Variants in GRM8 observed in about 807,000 individuals in gnomAD.
GRM8 encodes the protein glutamate metabotropic receptor 8.
In GRM8, 47 loss-of-function variants were observed where a neutral mutation model predicts 87.2. The observed-to-expected ratio is 0.54, with a 90% CI of 0.43 to 0.69. The LOEUF (loss-of-function observed/expected upper bound fraction) is 0.69, where lower values mean the gene tolerates loss of function less well. Ranked by LOEUF, GRM8 falls within the 30% of genes least tolerant of loss-of-function variation. GRM8 has a pLI of 0.00. For missense variants in GRM8, 1,019 were observed against 1,139.2 expected, an observed-to-expected ratio of 0.89 and a Z score of 1.52; for synonymous variants, 396 against 404.5, an observed-to-expected ratio of 0.98 and a Z score of 0.25.
At chr7:126,566,727 T>A (rs999943993) in intron 8 of GRM8, among the ~76,000 whole-genome samples, 1 of 152,140 alleles carries the variant, frequency 6.6e-6, no homozygotes, top group African/African-American at 2.4e-5. Flanking sequence ...ATATTAGTAT[T>A]CCTATCTTCA....
intron 3 of GRM8, among the ~76,000 whole-genome samples, chr7:127,032,309 T>A (rs1817454868): frequency 6.6e-6 from 1 of 152,154 alleles, no homozygotes; most frequent in African/African-American, 2.4e-5. Flanking sequence ...TTCCTGTAAC[T>A]GTGCATTGCT....
rs5887332 is a variant in GRM8, at chr7:127,243,848, G to GTTTTT, written c.-311-338_-311-334dup. On this transcript the variant is annotated intron_variant, in intron 1 of 10. Transcript: ENST00000339582. ...GATGGCACCATTTCTTTTCAAATCTGTTTTTTTTTTTTGCAGCTATCTGAA... is the reference window on the plus strand; with the variant it reads ...GATGGCACCATTTCTTTTCAAATCTGTTTTTTTTTTTTTTTTTGCAGCTATCTGAA... Among the ~76,000 whole-genome samples, 595 of 141,004 alleles carry GTTTTT rather than the reference G, an allele frequency of 4.2e-3. 4 individuals are homozygous for GTTTTT. The highest frequency in any genetic ancestry group is 0.015 in the Middle Eastern group (4 of 272). The allele number at this position is 141,004 out of a possible 152,430, so 92.5% of individuals were successfully genotyped here.
chr7:127,133,566 C>T (rs1827799362), intron 2 of GRM8, among the ~76,000 whole-genome samples: 1 of 151,586 alleles, frequency 6.6e-6, no homozygotes, highest in African/African-American at 2.4e-5. Flanking sequence ...ATTAGTCAGG[C>T]ATGGTGGCAG....
intron 6 of GRM8, among the ~76,000 whole-genome samples, chr7:126,882,562 G>C (rs184789012): frequency 6.6e-6 from 1 of 152,076 alleles, no homozygotes; most frequent in Non-Finnish European, 1.5e-5. Context: ...TAAAAGCTAA[G>C]AGGAGAACAT....
intron 3 of GRM8, chr7:127,095,691 C>T (rs1824580381): frequency 6.6e-6 from 1 of 152,168 alleles, no homozygotes; most frequent in Non-Finnish European, 1.5e-5. Flanking sequence ...CATAGCTGTC[C>T]TGCTCCACTG....
At chr7:126,739,117 A>G (rs1372606684) in intron 7 of GRM8, among the ~76,000 whole-genome samples, 4 of 151,984 alleles carry the variant, frequency 2.6e-5, no homozygotes, top group Non-Finnish European at 5.9e-5. Context: ...CAAACAGTTT[A>G]TTAAAGAAGA....
intron 7 of GRM8, among the ~76,000 whole-genome samples, chr7:126,616,007 G>C (rs1799450563): frequency 6.6e-6 from 1 of 152,074 alleles, no homozygotes; most frequent in Non-Finnish European, 1.5e-5. Flanking sequence ...ATTGAACTCA[G>C]CTCTGCACAA....
intron 6 of GRM8, among the ~76,000 whole-genome samples, chr7:126,823,437 T>C (rs1315445365): frequency 6.6e-6 from 1 of 152,230 alleles, no homozygotes; most frequent in Non-Finnish European, 1.5e-5. Flanking sequence ...TAGTTGTCCC[T>C]TCAATCCATT....
At chr7:126,453,150 T>A (rs1802839982) in intron 9 of GRM8, among the ~76,000 whole-genome samples, 1 of 150,742 alleles carries the variant, frequency 6.6e-6, no homozygotes, top group African/African-American at 2.4e-5. Flanking sequence ...GAAATATACT[T>A]TATGTTTGTG....
intron 2 of GRM8, among the ~76,000 whole-genome samples, chr7:127,187,551 G>A (rs1310357409): frequency 2.6e-5 from 4 of 152,084 alleles, no homozygotes; most frequent in African/African-American, 7.2e-5. Flanking sequence ...GATAATCTCC[G>A]AAGCTACCAG....
chr7:126,838,295 G>A (rs1795979232), intron 6 of GRM8, among the ~76,000 whole-genome samples: 1 of 152,150 alleles, frequency 6.6e-6, no homozygotes, highest in Admixed American at 6.5e-5. Flanking sequence ...TGAAACATCA[G>A]CCAATAAAAC....
intron 9 of GRM8, among the ~76,000 whole-genome samples, chr7:126,493,753 G>C (rs2150654137): frequency 6.6e-6 from 1 of 152,102 alleles, no homozygotes; most frequent in African/African-American, 2.4e-5. Context: ...GGCTACCCTA[G>C]AGTTTTCAAC....
intron 6 of GRM8, among the ~76,000 whole-genome samples, chr7:126,860,512 T>A (rs749644860): frequency 3.9e-5 from 6 of 152,204 alleles, no homozygotes; most frequent in Non-Finnish European, 5.9e-5. Context: ...GCAATATAGA[T>A]ATATTTGTGA....
chr7:126,798,810 A>T (rs1822295308), intron 6 of GRM8, among the ~76,000 whole-genome samples: 1 of 152,172 alleles, frequency 6.6e-6, no homozygotes. Flanking sequence ...AGCAGGAACC[A>T]TTAGAGGGCT....
chr7:126,524,320 TGATA>T (rs1813497564), intron 9 of GRM8, among the ~76,000 whole-genome samples: 1 of 152,212 alleles, frequency 6.6e-6, no homozygotes, highest in Non-Finnish European at 1.5e-5. Context: ...TAACATTGAT[TGATA>T]GTTTGGTTGG....
rs1490212644 is a variant in GRM8 at position 127,095,300 on chromosome 7, T to C, written c.727+11196A>G. ...ATTCCAAACCCTGGCAACTTGTGGG[T>C]TGATGCTGGGTGGAAGCTGTTGGCC... On this transcript the variant is annotated intron_variant, in intron 3 of 10. Coordinates refer to ENST00000339582, the MANE Select transcript of GRM8 (RefSeq NM_000845.3). 3.3e-5 allele frequency among the ~76,000 whole-genome samples: 5 copies of C among 152,066 alleles called. No homozygotes were observed. In the South Asian group the frequency reaches 8.3e-4, roughly 25 times the overall value.
intron 8 of GRM8, among the ~76,000 whole-genome samples, chr7:126,555,745 T>G (rs1330755961): frequency 6.6e-6 from 1 of 152,252 alleles, no homozygotes; most frequent in Admixed American, 6.5e-5. Context: ...ATTCAGTGTT[T>G]GTTTACTTGT....
chr7:126,742,337 TACC>T (rs1256441539), intron 7 of GRM8, among the ~76,000 whole-genome samples: 1 of 152,114 alleles, frequency 6.6e-6, no homozygotes, highest in East Asian at 1.9e-4. Flanking sequence ...AAAGTCTATG[TACC>T]ACCAGAGAGG....
At chr7:127,139,179 C>T (rs1163890265) in intron 2 of GRM8, among the ~76,000 whole-genome samples, 2 of 152,140 alleles carry the variant, frequency 1.3e-5, no homozygotes, top group East Asian at 1.9e-4. Context: ...AATGTGTTCT[C>T]ATAGTTTCAT....
Sources: allele counts gnomAD v4.1 joint callset (sites outside exome capture counted in the v4.1 genomes callset), GRCh38; gene constraint gnomAD v4.1.1; transcripts MANE v1.5; gene names NCBI Gene and HGNC (gene_info 2026-07-23, HGNC 2026-07-21).